The following HPD variants were observed in gnomAD, a reference collection of about 807,000 sequenced individuals.
HPD encodes the protein 4-hydroxyphenylpyruvate dioxygenase, also known as 4-hydroxyphenylpyruvic acid oxidase.
A neutral mutation model predicts 56.9 loss-of-function variants in HPD; 35 were observed. The ratio of observed to expected loss-of-function variants is 0.62; its 90% confidence interval spans 0.47 to 0.82. HPD has a LOEUF of 0.82. HPD is among the 40% of genes least tolerant of loss of function. The probability of loss-of-function intolerance (pLI) is 0.00; values close to 1 mark genes in which losing one functional copy is unlikely to be tolerated. For missense variants in HPD, 442 were observed against 506.8 expected, an observed-to-expected ratio of 0.87 and a Z score of 1.23; for synonymous variants, 186 against 200.2, an observed-to-expected ratio of 0.93 and a Z score of 0.60.
rs201249721 is a variant in HPD at position 121,846,916 on chromosome 12, G to T, written c.777C>A (p.Asn259Lys). The change falls in exon 11 of 14, where the codon AAC becomes AAA. Residue 259 changes from asparagine (N) to lysine (K), a missense_variant. By Grantham distance (94) the Asn-to-Lys change is moderately conservative. Coordinates refer to ENST00000289004, the MANE Select transcript of HPD (RefSeq NM_002150.3). Reference protein sequence around the residue: ...KSQIQEYVDYNGGAGVQHIAL... With the variant: ...KSQIQEYVDYKGGAGVQHIAL... ...CGATGTGCTGGACCCCAGCGCCCCC[G>T]TTATAGTCCACATATTCCTGGGGGA... is the stretch of plus-strand genomic sequence containing the variant. The T allele has an allele frequency of 4.3e-6, 7 of 1,614,048 alleles. No homozygotes were observed. The highest frequency in any genetic ancestry group is 1.7e-5 in the Admixed American group (1 of 60,000).
chr12:121,853,082 A>G (rs532146732), intron 7 of HPD, among the ~76,000 whole-genome samples: 4 of 152,258 alleles, frequency 2.6e-5, no homozygotes, highest in African/African-American at 9.6e-5. Context: ...GGAACAGAAA[A>G]CCAAACACTG....
At chr12:121,873,242 T>C in the HPD span, among the ~76,000 whole-genome samples, 1 of 152,232 alleles carries the variant, frequency 6.6e-6, no homozygotes, top group African/African-American at 2.4e-5. Flanking sequence ...AAGGAAGGCC[T>C]CAATGCCCAG....
At chr12:121,857,050 T>TTTG (rs760488741) in intron 4 of HPD, 6 of 510,036 alleles carry the variant, frequency 1.2e-5, no homozygotes, top group South Asian at 4.2e-5. Flanking sequence ...ATTATATGTT[T>TTTG]TTGTTGTTGT....
At chr12:121,887,812 T>C in the HPD span, among the ~76,000 whole-genome samples, 1 of 152,216 alleles carries the variant, frequency 6.6e-6, no homozygotes, top group Non-Finnish European at 1.5e-5. Context: ...AGGCCAGTTG[T>C]TTTGAAGTAT....
chr12:121,850,845 C>A (rs1047561678), intron 7 of HPD, among the ~76,000 whole-genome samples: 2 of 151,074 alleles, frequency 1.3e-5, no homozygotes, highest in African/African-American at 4.9e-5. Context: ...ACTACAAGCA[C>A]GTGCCACCAC....
In HPD at chr12:121,841,926, G is replaced by A. The variant is rs549967832; in HGVS notation, c.954+1784C>T. Among the ~76,000 whole-genome samples, 12 of 151,990 alleles carry A rather than the reference G, an allele frequency of 7.9e-5. No homozygotes were observed. In the East Asian group the frequency reaches 2.1e-3, roughly 27 times the overall value. Reference sequence around the variant, plus strand: ...TCTTGAACTCCTGACCTCATGATCCGCCCACCTCAGCCTCCCAAAGTGCTG... The same window carrying A: ...TCTTGAACTCCTGACCTCATGATCCACCCACCTCAGCCTCCCAAAGTGCTG... On this transcript the variant is annotated intron_variant, in intron 12 of 13. Coordinates refer to ENST00000289004, the MANE Select transcript of HPD (RefSeq NM_002150.3).
chr12:121,877,824 G>T, the HPD span, among the ~76,000 whole-genome samples: 1 of 152,314 alleles, frequency 6.6e-6, no homozygotes, highest in East Asian at 1.9e-4. Context: ...CAGTAACTTA[G>T]CTCCAGACAG....
chr12:121,846,831 G>A (rs769448651), intron 11 of HPD, 31 bp downstream of exon 11: 1 of 1,606,346 alleles, frequency 6.2e-7, no homozygotes. Flanking sequence ...CTGAATGAGA[G>A]AGGAATTCGG....
the HPD span, among the ~76,000 whole-genome samples, chr12:121,874,801 A>G: frequency 1.4e-5 from 2 of 147,662 alleles, no homozygotes; most frequent in Admixed American, 1.4e-4. Flanking sequence ...CGCTCTTGTT[A>G]CCCAGGCTGG....
intron 12 of HPD, among the ~76,000 whole-genome samples, chr12:121,841,241 C>T (rs1008988336): frequency 2.0e-5 from 3 of 149,860 alleles, no homozygotes; most frequent in Middle Eastern, 3.6e-3. Context: ...TGGTGGCGGG[C>T]GCCTATAATC....
At chr12:121,845,169 A>G (rs1158115067) in intron 11 of HPD, among the ~76,000 whole-genome samples, 1 of 149,636 alleles carries the variant, frequency 6.7e-6, no homozygotes, top group African/African-American at 2.6e-5. Context: ...GCTGCAGTGC[A>G]GTGGCATGAT....
upstream of HPD, among the ~76,000 whole-genome samples, chr12:121,862,979 A>AC (rs1297057969): frequency 4.0e-5 from 3 of 74,582 alleles, no homozygotes; most frequent in South Asian, 4.0e-4. Flanking sequence ...CGCGCCCGGC[A>AC]CCCCCCCTCC....
chr12:121,843,858 G>A (rs754266951), intron 11 of HPD, 26 bp from the exon 12 acceptor site: 1 of 1,613,964 alleles, frequency 6.2e-7, no homozygotes, highest in Non-Finnish European at 8.5e-7. Context: ...GCTGAGGTCA[G>A]CCTTCGGCCT....
chr12:121,874,199 G>A, the HPD span: 3 of 152,128 alleles, frequency 2.0e-5, no homozygotes, highest in African/African-American at 7.2e-5. Flanking sequence ...TTGCAGATGA[G>A]GAACTTGAGA....
the HPD span, among the ~76,000 whole-genome samples, chr12:121,883,220 GT>G: frequency 9.5e-5 from 14 of 147,506 alleles, no homozygotes; most frequent in African/African-American, 3.4e-4. Flanking sequence ...GTGTGTGTGT[GT>G]GTGTGTGTGT....
At chr12:121,872,441 G>C in the HPD span, among the ~76,000 whole-genome samples, 1 of 151,316 alleles carries the variant, frequency 6.6e-6, no homozygotes, top group African/African-American at 2.4e-5. Context: ...ATGTTGGCCA[G>C]TCTAGTCTTG....
upstream of HPD, among the ~76,000 whole-genome samples, chr12:121,862,455 G>C (rs34478748): frequency 1.5e-4 from 22 of 151,678 alleles, no homozygotes; most frequent in Non-Finnish European, 2.2e-4. Flanking sequence ...GTGCCACCAC[G>C]CCCAGCTAAT....
chr12:121,846,862 C>A lies in HPD; in HGVS notation c.831G>T (p.Ala277=), dbSNP rs372058146. Residue 277 remains alanine (A), a splice_region_variant and synonymous_variant, in exon 11 of 14, where the codon GCG becomes GCT. Coordinates refer to ENST00000289004, the MANE Select transcript of HPD (RefSeq NM_002150.3). ...TTCGGACAGGGAAGGGGGTTCTAAC[C>A]GCTGTGATGATGTCTTCGGTCTTGA... ...IALKTEDIIT[A]IRHLRERGLE... is the part of the protein sequence containing the mutation. The A allele has an allele frequency of 6.2e-7, 1 of 1,613,954 alleles. No homozygotes were observed. The highest frequency in any genetic ancestry group is 1.1e-5 in the South Asian group (1 of 91,066).
upstream of HPD, among the ~76,000 whole-genome samples, chr12:121,865,336 C>A (rs898138374): frequency 2.6e-4 from 39 of 151,704 alleles, no homozygotes; most frequent in Non-Finnish European, 2.4e-4. Context: ...CTGGCATGAT[C>A]TCAGCTTACT....
Sources: gnomAD v4.1 joint callset for allele counts (sites outside exome capture counted in the v4.1 genomes callset) on GRCh38, gnomAD v4.1.1 for gene constraint, MANE v1.5 for transcripts, NCBI Gene and HGNC (gene_info 2026-07-23, HGNC 2026-07-21) for gene names.